ZBTB44: variants seen among roughly 807,000 people sequenced by gnomAD.
The protein encoded by ZBTB44 is zinc finger and BTB domain-containing protein 44.
A neutral mutation model predicts 54.0 loss-of-function variants in ZBTB44; 15 were observed. The ratio of observed to expected loss-of-function variants is 0.28; its 90% confidence interval spans 0.19 to 0.43. The LOEUF (loss-of-function observed/expected upper bound fraction) is 0.43. Among genes scored for constraint, ZBTB44 ranks in the 20% least tolerant of loss-of-function variants. The probability of loss-of-function intolerance (pLI) is 1.00; values close to 1 mark genes in which losing one functional copy is unlikely to be tolerated. For missense variants in ZBTB44, 487 were observed against 707.1 expected (o/e 0.69, Z 3.53); for synonymous variants, 230 against 250.1 (o/e 0.92, Z 0.76).
intron 1 of ZBTB44, among the ~76,000 whole-genome samples, chr11:130,313,575 G>C (rs1018944078): frequency 3.3e-5 from 5 of 152,180 alleles, no homozygotes; most frequent in Non-Finnish European, 5.9e-5. Flanking sequence ...AAATCGTGCA[G>C]CTTGCTTCCG....
rs555430315 is a variant in ZBTB44, at chr11:130,295,797, T to C, written c.-57+18578A>G. ...CATTGTTAAAATTCATGCCCAGGAATGCATGCGGAGTCCTTGTTCTCTCAC... is the reference window on the plus strand; with the variant it reads ...CATTGTTAAAATTCATGCCCAGGAACGCATGCGGAGTCCTTGTTCTCTCAC... On this transcript the variant is annotated intron_variant, in intron 1 of 7. Coordinates refer to ENST00000357899, the MANE Select transcript of ZBTB44 (RefSeq NM_001301098.2). The C allele has an allele frequency of 1.4e-4, 198 of 1,429,126 alleles. 1 individual carries two copies. In the African/African-American group the frequency reaches 2.5e-3, roughly 18 times the overall value. The allele number at this position is 1,429,126 out of a possible 1,614,324, so 88.5% of individuals were successfully genotyped here.
At chr11:130,270,800 T>C (rs1176312992) in intron 1 of ZBTB44, among the ~76,000 whole-genome samples, 6 of 152,096 alleles carry the variant, frequency 3.9e-5, no homozygotes, top group Non-Finnish European at 8.8e-5. Flanking sequence ...TCGATAGGGG[T>C]TGATGATGGG....
chr11:130,287,080 C>T (rs1941011922), intron 1 of ZBTB44, among the ~76,000 whole-genome samples: 1 of 152,206 alleles, frequency 6.6e-6, no homozygotes, highest in Non-Finnish European at 1.5e-5. Flanking sequence ...AATTCAATGT[C>T]TGAAAACAAA....
chr11:130,260,788 T>A (rs1465675140), intron 2 of ZBTB44, 68 bp downstream of exon 2: 2 of 1,495,322 alleles, frequency 1.3e-6, no homozygotes, highest in Non-Finnish European at 1.8e-6. Context: ...AAACTTTTTA[T>A]CTAACAGGAA....
At chr11:130,278,624 ATTATC>A (rs758749095) in intron 1 of ZBTB44, among the ~76,000 whole-genome samples, 13 of 152,162 alleles carry the variant, frequency 8.5e-5, no homozygotes, top group Admixed American at 1.3e-4. Context: ...TCTACTCATT[ATTATC>A]TTATCTCTGT....
intron 1 of ZBTB44, among the ~76,000 whole-genome samples, chr11:130,270,589 T>C (rs1193021145): frequency 6.6e-6 from 1 of 152,010 alleles, no homozygotes; most frequent in African/African-American, 2.4e-5. Context: ...CACATGGGAG[T>C]AGAAGAGTCC....
chr11:130,238,229 C>A (rs1310637153), intron 4 of ZBTB44, among the ~76,000 whole-genome samples: 2 of 152,138 alleles, frequency 1.3e-5, no homozygotes, highest in African/African-American at 4.8e-5. Context: ...CTCCATATCA[C>A]CTTATGTTCT....
At chr11:130,277,208 T>C (rs1940170405) in intron 1 of ZBTB44, among the ~76,000 whole-genome samples, 1 of 152,252 alleles carries the variant, frequency 6.6e-6, no homozygotes, top group South Asian at 2.1e-4. Context: ...ATTCCTTTAG[T>C]GCTTACTTTT....
chr11:130,272,065 ACTAAAAATAC>A (rs1333159853), intron 1 of ZBTB44, among the ~76,000 whole-genome samples: 1 of 152,086 alleles, frequency 6.6e-6, no homozygotes, highest in Non-Finnish European at 1.5e-5. Context: ...CCCGAACTCT[ACTAAAAATAC>A]AAAAAAATTA....
intron 1 of ZBTB44, chr11:130,296,906 TG>T: frequency 2.7e-6 from 2 of 730,870 alleles, no homozygotes; most frequent in Non-Finnish European, 5.0e-6. Context: ...CTGCCTTTGT[TG>T]ATCTGAATGT....
chr11:130,286,650 C>T (rs1242903543), intron 1 of ZBTB44, among the ~76,000 whole-genome samples: 1 of 152,214 alleles, frequency 6.6e-6, no homozygotes, highest in African/African-American at 2.4e-5. Context: ...TCACCTCATG[C>T]ATAATTAGGC....
intron 2 of ZBTB44, among the ~76,000 whole-genome samples, chr11:130,259,174 AT>A (rs1314318373): frequency 3.9e-5 from 6 of 152,180 alleles, no homozygotes; most frequent in African/African-American, 1.4e-4. Context: ...ATTCAGTGCT[AT>A]CCCCATCAAG....
intron 1 of ZBTB44, among the ~76,000 whole-genome samples, chr11:130,291,436 C>T (rs1941297915): frequency 6.6e-6 from 1 of 152,182 alleles, no homozygotes; most frequent in Non-Finnish European, 1.5e-5. Flanking sequence ...CGCGCCCGGC[C>T]AGCCTTCCAT....
intron 1 of ZBTB44, chr11:130,296,909 T>G: frequency 1.4e-6 from 1 of 732,412 alleles, no homozygotes; most frequent in Non-Finnish European, 2.5e-6. Flanking sequence ...CCTTTGTTGA[T>G]CTGAATGTCA....
At position 130,228,717 on chromosome 11, in the gene ZBTB44, G is replaced by T. The variant is rs1377781003; in HGVS notation, c.*3047C>A. On this transcript the variant is annotated 3_prime_UTR_variant, in exon 8 of 8. Transcript: ENST00000357899. Reference sequence around the variant, plus strand: ...GGGATGATTTTTCATCTGTTTTATTGAATAATGAAATCTAAATGTGGCTAG... The same window carrying T: ...GGGATGATTTTTCATCTGTTTTATTTAATAATGAAATCTAAATGTGGCTAG... The T allele has an allele frequency of 2.0e-5, 3 of 152,082 alleles. No individual in the cohort carries two copies. The highest frequency in any genetic ancestry group is 7.2e-5 in the African/African-American group (3 of 41,392). The allele number at this position is 152,082 out of a possible 1,614,324, so 9.4% of individuals were successfully genotyped here. A position where few individuals can be genotyped will look rare whatever the true frequency, so the allele number is the denominator to read the frequency against.
rs549585705 is a variant in ZBTB44, at chr11:130,262,193, G to A, written c.-56-264C>T. 2.0e-5 allele frequency among the ~76,000 whole-genome samples: 3 copies of A among 152,250 alleles called. No homozygotes were observed. The South Asian group carries it at 6.2e-4, about 32-fold the overall frequency. Reference sequence around the variant, plus strand: ...CTTGCTCTGTTGCCCAGGCTGGAGTGCAGCGGGGTGGTCTTGGCTCACTGC... The same window carrying A: ...CTTGCTCTGTTGCCCAGGCTGGAGTACAGCGGGGTGGTCTTGGCTCACTGC... On this transcript the variant is annotated intron_variant, in intron 1 of 7. Coordinates refer to ENST00000357899, the MANE Select transcript of ZBTB44 (RefSeq NM_001301098.2).
At chr11:130,301,496 T>C (rs568673053) in intron 1 of ZBTB44, among the ~76,000 whole-genome samples, 1 of 151,936 alleles carries the variant, frequency 6.6e-6, no homozygotes, top group Non-Finnish European at 1.5e-5. Flanking sequence ...GATGCGGGCA[T>C]CTACAAAAAA....
At position 130,311,415 on chromosome 11, in the gene ZBTB44, C is replaced by T. The variant is rs533038082; in HGVS notation, c.-57+2960G>A. On this transcript the variant is annotated intron_variant, in intron 1 of 7. Coordinates refer to ENST00000357899, the MANE Select transcript of ZBTB44 (RefSeq NM_001301098.2). ...ATAGAGATGGGGTCTCATCATGTTG[C>T]CCAGGCTGGCCTTGAACTCCTGGGC... Among the ~76,000 whole-genome samples, 29 of 152,138 alleles carry T rather than the reference C, an allele frequency of 1.9e-4. No individual in the cohort carries two copies. The East Asian group carries it at 5.4e-3, about 28-fold the overall frequency.
intron 1 of ZBTB44, among the ~76,000 whole-genome samples, chr11:130,313,802 T>C (rs576935646): frequency 7.0e-4 from 106 of 152,284 alleles, no homozygotes; most frequent in Middle Eastern, 3.4e-3. Context: ...TTCCTTTTAA[T>C]CAGTTCTAAC....
Sources: allele counts gnomAD v4.1 joint callset (sites outside exome capture counted in the v4.1 genomes callset), GRCh38; gene constraint gnomAD v4.1.1; transcripts MANE v1.5; gene names NCBI Gene and HGNC (gene_info 2026-07-23, HGNC 2026-07-21).